The following PSME4 variants were observed in gnomAD, a reference collection of about 807,000 sequenced individuals.
PSME4 encodes the protein proteasome activator complex subunit 4.
Under a neutral mutation model 253.9 loss-of-function variants are expected in PSME4, and 89 were observed. The ratio of observed to expected loss-of-function variants is 0.35; its 90% confidence interval spans 0.30 to 0.42. The LOEUF is 0.42. PSME4 is among the 10% of genes least tolerant of loss of function. PSME4 has a pLI of 1.00. For missense variants in PSME4, 2,014 were observed against 2,195.2 expected, an observed-to-expected ratio of 0.92 and a Z score of 1.65; for synonymous variants, 851 against 759.2, an observed-to-expected ratio of 1.12 and a Z score of -1.99.
At chr2:53,906,342 C>T (rs1680659263) in intron 26 of PSME4, among the ~76,000 whole-genome samples, 1 of 152,098 alleles carries the variant, frequency 6.6e-6, no homozygotes, top group Non-Finnish European at 1.5e-5. Context: ...AAAAAAATGA[C>T]TAGCAACCTT....
chr2:53,943,705 G>A (rs957120795), intron 3 of PSME4, among the ~76,000 whole-genome samples: 2 of 151,874 alleles, frequency 1.3e-5, no homozygotes, highest in Admixed American at 6.6e-5. Context: ...AGCTGGGTGT[G>A]GTGGCGCACA....
At chr2:53,880,523 G>C (rs1679334011) in intron 41 of PSME4, among the ~76,000 whole-genome samples, 1 of 152,122 alleles carries the variant, frequency 6.6e-6, no homozygotes, top group Admixed American at 6.6e-5. Flanking sequence ...TACTTAAGAA[G>C]AGCCAGAGGT....
At chr2:53,883,969 C>G (rs1679516027) in intron 41 of PSME4, among the ~76,000 whole-genome samples, 2 of 152,140 alleles carry the variant, frequency 1.3e-5, no homozygotes, top group South Asian at 4.1e-4. Context: ...AAGGGAATTT[C>G]TGACCGCCTC....
intron 46 of PSME4, 167 bp downstream of exon 46, chr2:53,865,918 T>G: frequency 1.4e-6 from 1 of 728,572 alleles, no homozygotes; most frequent in Non-Finnish European, 2.1e-6. Context: ...AGCAAAATTC[T>G]CATTTCCAAT....
intron 3 of PSME4, among the ~76,000 whole-genome samples, chr2:53,943,591 A>G (rs1038185043): frequency 6.6e-5 from 10 of 152,316 alleles, no homozygotes; most frequent in Admixed American, 6.5e-4. Flanking sequence ...CTGTAATCCC[A>G]GCATTTTGGG....
At chr2:53,888,946 A>G (rs1237637872) in intron 37 of PSME4, 134 bp from the exon 38 acceptor site, 21 of 650,774 alleles carry the variant, frequency 3.2e-5, no homozygotes, top group Non-Finnish European at 3.8e-5. Flanking sequence ...GTGAAGTGGT[A>G]TGATTGCCTC....
intron 1 of PSME4, among the ~76,000 whole-genome samples, chr2:53,957,384 T>G (rs1388694047): frequency 6.6e-6 from 1 of 152,208 alleles, no homozygotes; most frequent in East Asian, 1.9e-4. Flanking sequence ...CTGAGCTTAT[T>G]TTCCTGCAAC....
At chr2:53,970,432 C>G (rs552979842) in intron 1 of PSME4, 111 bp downstream of exon 1, 6 of 1,500,754 alleles carry the variant, frequency 4.0e-6, no homozygotes, top group Non-Finnish European at 5.3e-6. Flanking sequence ...GGGGACAGCT[C>G]CAGCGAGGAC....
At chr2:53,955,765 T>C (rs990917188) in intron 1 of PSME4, among the ~76,000 whole-genome samples, 67 of 150,978 alleles carry the variant, frequency 4.4e-4, no homozygotes, top group Admixed American at 3.7e-3. Flanking sequence ...CTACAAGATA[T>C]ACAAAAATTA....
At chr2:53,933,437 T>C (rs564564175) in intron 8 of PSME4, among the ~76,000 whole-genome samples, 5 of 140,788 alleles carry the variant, frequency 3.6e-5, no homozygotes, top group African/African-American at 1.4e-4. Context: ...TGGAGTGCAG[T>C]GGCACAAACA....
intron 28 of PSME4, among the ~76,000 whole-genome samples, chr2:53,901,048 T>A (rs1199253057): frequency 6.6e-6 from 1 of 152,100 alleles, no homozygotes; most frequent in East Asian, 1.9e-4. Flanking sequence ...AAAATATAAT[T>A]AACTCTTTGA....
At position 53,935,523 on chromosome 2, in the gene PSME4, G is replaced by C. The variant is rs1397969549; in HGVS notation, c.834+564C>G. ...ACTGAAGACACACCTGGAACATCTA[G>C]CTTTATTTACTCTAAGAAAATATAT... is the stretch of plus-strand genomic sequence containing the variant. On this transcript the variant is annotated intron_variant, in intron 7 of 46. Transcript: ENST00000404125. Among the ~76,000 whole-genome samples, 3 of 152,290 alleles carry C rather than the reference G, an allele frequency of 2.0e-5. No homozygotes were observed. In the East Asian group the frequency reaches 5.8e-4, roughly 29 times the overall value.
At chr2:53,910,189 G>A in intron 20 of PSME4, 59 bp from the exon 21 acceptor site, 1 of 1,397,430 alleles carries the variant, frequency 7.2e-7, no homozygotes, top group South Asian at 1.2e-5. Flanking sequence ...GTATTAAAGG[G>A]AAAAGTTTCA....
rs746356371 is a variant in PSME4, at chr2:53,887,288, C to T, written c.4700G>A (p.Arg1567Gln). ...TTTCAAGAGTTTAATGCCCTGAGTTCGCTCATCTTCTTCACCAATTCCATT... is the reference window on the plus strand; with the variant it reads ...TTTCAAGAGTTTAATGCCCTGAGTTTGCTCATCTTCTTCACCAATTCCATT... The part of the protein sequence containing the change: ...EENGIGEEDE[R>Q]TQGIKLLKTI... Residue 1567 changes from arginine to glutamine, a missense_variant, in exon 40 of 47, where the codon CGA becomes CAA. This residue lies in a region of PSME4 where 403 missense variants were observed against 556.1 expected (regional missense o/e 0.72). Transcript: ENST00000404125. The T allele has an allele frequency of 8.7e-6, 14 of 1,613,744 alleles. No individual in the cohort carries two copies. The highest frequency in any genetic ancestry group is 2.2e-5 in the East Asian group (1 of 44,868).
chr2:53,876,325 C>T (rs1330496308), intron 41 of PSME4, among the ~76,000 whole-genome samples: 2 of 152,060 alleles, frequency 1.3e-5, no homozygotes, highest in Non-Finnish European at 2.9e-5. Flanking sequence ...AAAGCTGTGT[C>T]TGTTGTTTTA....
chr2:53,921,109 A>T lies in PSME4; in HGVS notation c.2047-5T>A. 1 of 1,613,066 alleles carries T rather than the reference A, an allele frequency of 6.2e-7. No homozygotes were observed. Among genetic ancestry groups the T allele is most frequent in the South Asian group, 1.1e-5 (1 of 90,960 alleles). On this transcript the variant is annotated splice_region_variant and splice_polypyrimidine_tract_variant and intron_variant, in intron 17 of 46. Coordinates refer to ENST00000404125, the MANE Select transcript of PSME4 (RefSeq NM_014614.3). ...CCTTCCATCCACTCGAGTAATCTAA[A>T]AGGAGGGAAAAAATAGTTGAAGATA...
intron 15 of PSME4, 93 bp downstream of exon 15, chr2:53,923,228 G>C (rs1668402456): frequency 1.4e-6 from 2 of 1,457,722 alleles, no homozygotes; most frequent in Non-Finnish European, 9.3e-7. Context: ...AAAGAACTAT[G>C]CATTTTAAGC....
At chr2:53,955,836 T>A (rs114515761) in intron 1 of PSME4, among the ~76,000 whole-genome samples, 5,464 of 152,124 alleles carry the variant, frequency 0.036, 136 homozygotes, top group Non-Finnish European at 0.055. Flanking sequence ...GTGGGAAGAT[T>A]GGTGGGGCCT....
chr2:53,946,122 T>C (rs1558418773), intron 3 of PSME4, among the ~76,000 whole-genome samples: 2 of 152,186 alleles, frequency 1.3e-5, no homozygotes, highest in African/African-American at 4.8e-5. Context: ...ACAGCTCTTA[T>C]CACTGAAGAG....
Sources: gnomAD v4.1 joint callset for allele counts (sites outside exome capture counted in the v4.1 genomes callset) on GRCh38, gnomAD v4.1.1 for gene constraint, gnomAD v4.1.1 regional missense constraint, MANE v1.5 for transcripts, NCBI Gene and HGNC (gene_info 2026-07-23, HGNC 2026-07-21) for gene names.